The following CNTNAP2 variants were observed in gnomAD, a reference collection of about 807,000 sequenced individuals.
The protein encoded by CNTNAP2 is contactin associated protein 2.
CNTNAP2 carries 98 observed loss-of-function variants against 155.2 expected under a neutral mutation model. The observed-to-expected ratio is 0.63, with a 90% CI of 0.54 to 0.75. The LOEUF is 0.75. CNTNAP2 is among the 30% of genes least tolerant of loss of function. The pLI is 0.00. For synonymous variants in CNTNAP2, 651 were observed against 631.2 expected (o/e 1.03, Z -0.47); for missense variants, 1,727 against 1,688.1 (o/e 1.02, Z -0.40).
At chr7:146,547,769 G>A (rs531847721) in intron 1 of CNTNAP2, among the ~76,000 whole-genome samples, 2 of 151,722 alleles carry the variant, frequency 1.3e-5, no homozygotes, top group Non-Finnish European at 2.9e-5. Flanking sequence ...GATAAACGTG[G>A]AAGTGCTAAT....
intron 1 of CNTNAP2, among the ~76,000 whole-genome samples, chr7:146,770,116 A>T (rs1406493049): frequency 6.6e-6 from 1 of 152,014 alleles, no homozygotes; most frequent in Non-Finnish European, 1.5e-5. Flanking sequence ...GGCTTTTTGT[A>T]TTTGATTTTA....
intron 13 of CNTNAP2, among the ~76,000 whole-genome samples, chr7:147,745,146 A>C (rs1313026858): frequency 6.6e-6 from 1 of 152,204 alleles, no homozygotes; most frequent in Non-Finnish European, 1.5e-5. Flanking sequence ...GTGAAATTGC[A>C]GTTTAGGCAA....
intron 21 of CNTNAP2, among the ~76,000 whole-genome samples, chr7:148,305,254 T>G (rs1309371144): frequency 7.5e-6 from 1 of 133,416 alleles, no homozygotes; most frequent in East Asian, 2.2e-4. Context: ...AAAAAAAAAG[T>G]TTCCTTTCCT....
chr7:147,218,769 A>G (rs1803329987), intron 8 of CNTNAP2, among the ~76,000 whole-genome samples: 1 of 152,160 alleles, frequency 6.6e-6, no homozygotes, highest in African/African-American at 2.4e-5. Context: ...AAGTTCAACT[A>G]TGTTTTTACT....
At chr7:147,108,021 C>A in intron 4 of CNTNAP2, 126 bp from the exon 5 acceptor site, 6 of 810,368 alleles carry the variant, frequency 7.4e-6, no homozygotes, top group Non-Finnish European at 4.0e-6. Flanking sequence ...AGAAGAAAAA[C>A]AGAGGACTGT....
chr7:147,997,870 T>C (rs1801834030), intron 15 of CNTNAP2, among the ~76,000 whole-genome samples: 1 of 152,274 alleles, frequency 6.6e-6, no homozygotes, highest in East Asian at 1.9e-4. Context: ...GTCTCATGTC[T>C]CATTAACATC....
chr7:147,424,009 G>A (rs534169760), intron 10 of CNTNAP2, among the ~76,000 whole-genome samples: 1 of 152,198 alleles, frequency 6.6e-6, no homozygotes, highest in South Asian at 2.1e-4. Context: ...CTCCCTGGGG[G>A]GAAGAATGGA....
intron 16 of CNTNAP2, among the ~76,000 whole-genome samples, chr7:148,144,131 C>G (rs138222176): frequency 1.1e-4 from 17 of 152,312 alleles, no homozygotes; most frequent in African/African-American, 3.8e-4. Flanking sequence ...CCACTTTTGC[C>G]TGCCTTCTGA....
At chr7:147,319,178 G>A (rs1180357369) in intron 9 of CNTNAP2, among the ~76,000 whole-genome samples, 2 of 152,044 alleles carry the variant, frequency 1.3e-5, no homozygotes, top group African/African-American at 4.8e-5. Context: ...AATGTGTCCA[G>A]TAAGTTTAAT....
intron 8 of CNTNAP2, among the ~76,000 whole-genome samples, chr7:147,217,978 A>C (rs1055388744): frequency 6.6e-6 from 1 of 151,996 alleles, no homozygotes; most frequent in Non-Finnish European, 1.5e-5. Flanking sequence ...CATGAGATCT[A>C]TAGTAATGGC....
Position 147,582,393 on chromosome 7 carries a change from C to T in CNTNAP2, c.1897+20136C>T, listed in dbSNP as rs10281441. The stretch of plus-strand genomic sequence containing the variant: ...TATAAGGGGGATGAGAGGCAGGTTG[C>T]AGCCCCAAACTCTGGGCATTTCAAA... On this transcript the variant is annotated intron_variant, in intron 12 of 23. Coordinates refer to ENST00000361727, the MANE Select transcript of CNTNAP2 (RefSeq NM_014141.6). 3.4e-3 allele frequency among the ~76,000 whole-genome samples: 525 copies of T among 152,194 alleles called. 3 individuals carry two copies. Among genetic ancestry groups the T allele is most frequent in the African/African-American group, 0.012 (503 of 41,550 alleles).
At chr7:146,744,217 C>T (rs1230774181) in intron 1 of CNTNAP2, among the ~76,000 whole-genome samples, 3 of 99,168 alleles carry the variant, frequency 3.0e-5, no homozygotes, top group African/African-American at 8.8e-5. Context: ...GACAAAGTGA[C>T]ACTCTGTCTC....
At chr7:146,988,041 A>G (rs17170300) in intron 3 of CNTNAP2, among the ~76,000 whole-genome samples, 6,213 of 152,142 alleles carry the variant, frequency 0.041, 381 homozygotes, top group African/African-American at 0.14. Flanking sequence ...AAGGCCTCTT[A>G]CTTTCTGAAA....
intron 1 of CNTNAP2, among the ~76,000 whole-genome samples, chr7:146,477,823 A>G (rs1796902621): frequency 6.6e-6 from 1 of 152,200 alleles, no homozygotes; most frequent in South Asian, 2.1e-4. Flanking sequence ...CCTAAATTAG[A>G]TGGTCAGTGT....
chr7:148,169,551 T>A (rs1805735149), intron 17 of CNTNAP2, among the ~76,000 whole-genome samples: 1 of 152,204 alleles, frequency 6.6e-6, no homozygotes, highest in Non-Finnish European at 1.5e-5. Flanking sequence ...TGGAAAATTT[T>A]AAAAACTTAA....
At chr7:146,911,083 ATG>A (rs1409734227) in intron 3 of CNTNAP2, among the ~76,000 whole-genome samples, 1 of 152,120 alleles carries the variant, frequency 6.6e-6, no homozygotes, top group Non-Finnish European at 1.5e-5. Context: ...CATCAGAGAA[ATG>A]CAAATCAAAA....
At chr7:146,603,477 C>G (rs924657206) in intron 1 of CNTNAP2, among the ~76,000 whole-genome samples, 10 of 149,852 alleles carry the variant, frequency 6.7e-5, no homozygotes, top group African/African-American at 2.2e-4. Context: ...GAATCAATAT[C>G]GTGAAAATGG....
At chr7:147,665,249 G>C (rs1795675740) in intron 13 of CNTNAP2, among the ~76,000 whole-genome samples, 1 of 152,092 alleles carries the variant, frequency 6.6e-6, no homozygotes, top group African/African-American at 2.4e-5. Context: ...TTTGTGTCTA[G>C]CCTGTTTTGC....
intron 15 of CNTNAP2, among the ~76,000 whole-genome samples, chr7:148,026,294 A>T (rs1038139868): frequency 7.9e-5 from 12 of 152,006 alleles, no homozygotes; most frequent in African/African-American, 1.4e-4. Flanking sequence ...ACAAAAAAAA[A>T]ATTTTTTTTA....
Sources: gnomAD v4.1 joint callset for allele counts (sites outside exome capture counted in the v4.1 genomes callset) on GRCh38, gnomAD v4.1.1 for gene constraint, MANE v1.5 for transcripts, NCBI Gene and HGNC (gene_info 2026-07-23, HGNC 2026-07-21) for gene names.